Variants in NAA15 observed in about 807,000 individuals in gnomAD.
NAA15 encodes the protein N-terminal acetyltransferase.
In NAA15, 34 loss-of-function variants were observed where a neutral mutation model predicts 114.0. The ratio of observed to expected loss-of-function variants is 0.30; its 90% CI spans 0.23 to 0.40. The LOEUF (loss-of-function observed/expected upper bound fraction) is 0.40. NAA15 is among the 10% of genes least tolerant of loss of function. NAA15 has a pLI of 1.00. For missense variants in NAA15, 658 were observed against 1,004.5 expected (o/e 0.66, Z 4.66); for synonymous variants, 340 against 338.0 (o/e 1.01, Z -0.06).
At chr4:139,334,627 T>G (rs986520212) in intron 2 of NAA15, among the ~76,000 whole-genome samples, 2 of 152,222 alleles carry the variant, frequency 1.3e-5, no homozygotes, top group Non-Finnish European at 2.9e-5. Context: ...TTATTTATGT[T>G]TTTCAGTTTC....
intron 7 of NAA15, 44 bp from the exon 8 acceptor site, chr4:139,351,147 C>T: frequency 1.0e-6 from 1 of 976,926 alleles, no homozygotes. Context: ...AAAAAATATA[C>T]AATTTATGAT....
At chr4:139,328,911 C>T (rs1290430262) in intron 1 of NAA15, among the ~76,000 whole-genome samples, 1 of 149,144 alleles carries the variant, frequency 6.7e-6, no homozygotes, top group Non-Finnish European at 1.5e-5. Context: ...GTTGTCCAGG[C>T]TGGAGTGCAG....
chr4:139,379,197 C>T (rs1011688654), intron 17 of NAA15: 2 of 170,254 alleles, frequency 1.2e-5, no homozygotes, highest in Non-Finnish European at 2.5e-5. Flanking sequence ...TTGAAATTGA[C>T]TGTTTTCTCC....
intron 1 of NAA15, among the ~76,000 whole-genome samples, chr4:139,331,426 C>T (rs1161112578): frequency 6.6e-6 from 1 of 151,620 alleles, no homozygotes; most frequent in Non-Finnish European, 1.5e-5. Flanking sequence ...ATAATTATAT[C>T]ACAAGTTTTT....
intron 10 of NAA15, among the ~76,000 whole-genome samples, chr4:139,355,575 T>A (rs1267545724): frequency 5.9e-5 from 9 of 152,164 alleles, no homozygotes. Context: ...TTTAAAAAAT[T>A]AAATAAAATA....
At chr4:139,384,413 C>T (rs541829476) in intron 17 of NAA15, among the ~76,000 whole-genome samples, 19 of 152,182 alleles carry the variant, frequency 1.2e-4, no homozygotes, top group South Asian at 8.3e-4. Flanking sequence ...GGGAGGTTGA[C>T]GCTGCAGTGA....
chr4:139,304,983 A>G (rs574050668), intron 1 of NAA15, among the ~76,000 whole-genome samples: 4 of 152,128 alleles, frequency 2.6e-5, no homozygotes, highest in African/African-American at 9.6e-5. Flanking sequence ...TATAGGCTCT[A>G]TCAAAAGGGC....
chr4:139,360,390 AT>A (rs1027993810), intron 12 of NAA15, 109 bp from the exon 13 acceptor site: 4 of 942,256 alleles, frequency 4.2e-6, no homozygotes, highest in Non-Finnish European at 4.5e-6. Flanking sequence ...TGTTTTAAAA[AT>A]TTTTTTGAAA....
chr4:139,338,211 G>C (rs1410306464), intron 3 of NAA15, among the ~76,000 whole-genome samples: 41 of 152,162 alleles, frequency 2.7e-4, no homozygotes, highest in Admixed American at 2.7e-3. Context: ...GGAGGGAGTG[G>C]AAAGATAGGT....
At chr4:139,317,184 T>G (rs1336486159) in intron 1 of NAA15, among the ~76,000 whole-genome samples, 4 of 151,914 alleles carry the variant, frequency 2.6e-5, no homozygotes, top group African/African-American at 9.7e-5. Flanking sequence ...GCTTCTGGTC[T>G]TCAATGTTTA....
intron 1 of NAA15, among the ~76,000 whole-genome samples, chr4:139,305,232 C>T (rs776623648): frequency 6.6e-6 from 1 of 151,978 alleles, no homozygotes; most frequent in Non-Finnish European, 1.5e-5. Flanking sequence ...AAGTTTATTG[C>T]CAAAATCACA....
In NAA15 at chr4:139,343,078, G is replaced by T. The variant is rs576458963; in HGVS notation, c.537+118G>T. The T allele has an allele frequency of 7.3e-5, 65 of 884,368 alleles. 1 individual carries two copies. The South Asian group carries it at 1.0e-3, about 14-fold the overall frequency. 54.8% of individuals were successfully genotyped at this position (884,368 alleles called of 1,614,324 possible). A position where few individuals can be genotyped will look rare whatever the true frequency, so the allele number is the denominator to read the frequency against. On this transcript the variant is annotated intron_variant, in intron 5 of 19. Transcript: ENST00000296543. The stretch of plus-strand genomic sequence containing the variant: ...TTTCAAACTTATAGAAAAGTTGCAG[G>T]AATAGCACAAAGAACTCTACATAGG...
intron 17 of NAA15, among the ~76,000 whole-genome samples, chr4:139,380,519 A>G (rs1201408692): frequency 6.6e-6 from 1 of 152,200 alleles, no homozygotes; most frequent in Non-Finnish European, 1.5e-5. Flanking sequence ...TTTGCTTATA[A>G]TCAGTATGTA....
chr4:139,362,362 C>A (rs539378558), intron 14 of NAA15, among the ~76,000 whole-genome samples: 1 of 152,148 alleles, frequency 6.6e-6, no homozygotes, highest in East Asian at 1.9e-4. Context: ...TCACTGCAAC[C>A]TCCCAGGTTC....
In NAA15 at chr4:139,388,831, G is replaced by A. The variant is rs1298668488; in HGVS notation, c.*747G>A. 6.6e-6 allele frequency: 1 copy of A among 152,546 alleles called. No homozygotes were observed. The highest frequency in any genetic ancestry group is 2.4e-5 in the African/African-American group (1 of 41,422). 9.4% of individuals were successfully genotyped at this position (152,546 alleles called of 1,614,324 possible). A position where few individuals can be genotyped will look rare whatever the true frequency, so the allele number is the denominator to read the frequency against. On this transcript the variant is annotated 3_prime_UTR_variant, in exon 20 of 20. Coordinates refer to ENST00000296543, the MANE Select transcript of NAA15 (RefSeq NM_057175.5). ...ACAACAATGCAAACCTTTCAGCATT[G>A]TTTGGCCAAACTTGTTAAAACTGTA...
intron 3 of NAA15, among the ~76,000 whole-genome samples, chr4:139,340,143 G>A (rs190120816): frequency 2.8e-4 from 42 of 152,150 alleles, no homozygotes; most frequent in East Asian, 1.4e-3. Flanking sequence ...GCAACATGGC[G>A]AGATCCCATC....
intron 14 of NAA15, among the ~76,000 whole-genome samples, chr4:139,365,546 A>G (rs563728268): frequency 8.9e-4 from 135 of 151,562 alleles, no homozygotes; most frequent in African/African-American, 3.1e-3. Context: ...AATACAATGT[A>G]TGGGGTATGG....
intron 17 of NAA15, among the ~76,000 whole-genome samples, chr4:139,380,307 T>G (rs955084218): frequency 1.1e-4 from 16 of 151,980 alleles, no homozygotes; most frequent in African/African-American, 3.9e-4. Flanking sequence ...GTCAGAAAAT[T>G]AAGGATAGAA....
chr4:139,309,221 A>G (rs28378281), intron 1 of NAA15, among the ~76,000 whole-genome samples: 81,117 of 150,656 alleles, frequency 0.54, 24,089 homozygotes, highest in African/African-American at 0.81. Flanking sequence ...GGTTGCAGGC[A>G]CCTGTAATCC....
Sources: gnomAD v4.1 joint callset for allele counts (sites outside exome capture counted in the v4.1 genomes callset) on GRCh38, gnomAD v4.1.1 for gene constraint, MANE v1.5 for transcripts, NCBI Gene and HGNC (gene_info 2026-07-23, HGNC 2026-07-21) for gene names.